SLC7A1: variants seen among roughly 807,000 people sequenced by gnomAD.
SLC7A1 encodes solute carrier family 7 member 1, also known as high affinity cationic amino acid transporter 1.
Under a neutral mutation model 53.9 loss-of-function variants are expected in SLC7A1, and 10 were observed. The observed-to-expected ratio is 0.19, with a 90% confidence interval of 0.11 to 0.31. The LOEUF (loss-of-function observed/expected upper bound fraction) is 0.31, where lower values mean the gene tolerates loss of function less well. Ranked by LOEUF, SLC7A1 falls within the 10% of genes least tolerant of loss-of-function variation. The probability of loss-of-function intolerance (pLI) is 1.00; values close to 1 mark genes in which losing one functional copy is unlikely to be tolerated. For missense variants in SLC7A1, 525 were observed against 827.2 expected, an observed-to-expected ratio of 0.63 and a Z score of 4.48; for synonymous variants, 342 against 338.7, an observed-to-expected ratio of 1.01 and a Z score of -0.11.
At position 29,513,411 on chromosome 13, in the gene SLC7A1, T is replaced by C. The variant is rs1156786557; in HGVS notation, c.*1069A>G. 6.5e-6 allele frequency: 1 copy of C among 152,672 alleles called. No homozygotes were observed. Among genetic ancestry groups the C allele is most frequent in the Non-Finnish European group, 1.5e-5 (1 of 68,058 alleles). The allele number at this position is 152,672 out of a possible 1,614,324, so 9.5% of individuals were successfully genotyped here. The stretch of plus-strand genomic sequence containing the variant: ...GTGTCACAATTTCATGGACTGTGGA[T>C]TGATTTCAATTTCATCATGTCACAG... On this transcript the variant is annotated 3_prime_UTR_variant, in exon 13 of 13. Transcript: ENST00000380752.
At chr13:29,524,707 T>A (rs981728244) in intron 5 of SLC7A1, among the ~76,000 whole-genome samples, 1 of 152,072 alleles carries the variant, frequency 6.6e-6, no homozygotes, top group African/African-American at 2.4e-5. Flanking sequence ...AAACTAAGGC[T>A]AAAATAAAAG....
In SLC7A1 at chr13:29,594,174, C is replaced by G. The variant is rs545330348; in HGVS notation, c.-115+1242G>C. 5.1e-4 allele frequency among the ~76,000 whole-genome samples: 78 copies of G among 152,340 alleles called. 3 individuals are homozygous for G. The South Asian group carries it at 0.015, about 30-fold the overall frequency. On this transcript the variant is annotated intron_variant, in intron 1 of 12. Transcript: ENST00000380752. ...GGGCAAGAAATGTTAGGAAAAATCC[C>G]AGATAAATTATAATTCGAATTAAAT...
At position 29,522,363 on chromosome 13, in the gene SLC7A1, C is replaced by T. The variant is rs766898109; in HGVS notation, c.1143G>A (p.Arg381=). The change falls in exon 8 of 13, where the codon AGG becomes AGA. Residue 381 remains arginine (R), a synonymous_variant. Coordinates refer to ENST00000380752, the MANE Select transcript of SLC7A1 (RefSeq NM_003045.5). The part of the protein sequence containing the change: ...LFKFLANVND[R]TKTPIIATLA... ...ATGTGGCGATTATTGGTGTTTTGGT[C>T]CTATCATTGACGTTGGCTAAGAATT... The T allele has an allele frequency of 2.0e-5, 32 of 1,614,192 alleles. No individual in the cohort carries two copies. The highest frequency in any genetic ancestry group is 2.7e-5 in the Non-Finnish European group (32 of 1,180,032).
intron 2 of SLC7A1, among the ~76,000 whole-genome samples, chr13:29,544,992 T>G (rs535871761): frequency 3.9e-5 from 6 of 151,960 alleles, no homozygotes; most frequent in Admixed American, 2.6e-4. Flanking sequence ...CAAATAGTAT[T>G]GACAGGACCA....
At chr13:29,528,549 T>C (rs1185093775) in intron 5 of SLC7A1, among the ~76,000 whole-genome samples, 1 of 152,144 alleles carries the variant, frequency 6.6e-6, no homozygotes, top group Admixed American at 6.5e-5. Flanking sequence ...GGCAGTGCCC[T>C]ACTATTTCAG....
intron 1 of SLC7A1, among the ~76,000 whole-genome samples, chr13:29,584,928 T>A (rs1449114580): frequency 6.6e-6 from 1 of 152,206 alleles, no homozygotes; most frequent in African/African-American, 2.4e-5. Flanking sequence ...TTCAGACAGG[T>A]TCTTCGTCGC....
chr13:29,547,970 G>A (rs549674113), intron 2 of SLC7A1, among the ~76,000 whole-genome samples: 1 of 152,364 alleles, frequency 6.6e-6, no homozygotes, highest in East Asian at 1.9e-4. Flanking sequence ...ACAGCCACAT[G>A]TTAACTAGTT....
chr13:29,584,119 C>CTT (rs71192612), intron 1 of SLC7A1, among the ~76,000 whole-genome samples: 88 of 147,088 alleles, frequency 6.0e-4, no homozygotes, highest in Middle Eastern at 7.1e-3. Context: ...CTTTTTTTTT[C>CTT]TTTTTTTTTT....
intron 1 of SLC7A1, among the ~76,000 whole-genome samples, chr13:29,569,815 G>A (rs1871122123): frequency 6.6e-6 from 1 of 152,170 alleles, no homozygotes; most frequent in Non-Finnish European, 1.5e-5. Context: ...TGAGAACACT[G>A]AACCTCAAAG....
intron 1 of SLC7A1, among the ~76,000 whole-genome samples, chr13:29,594,494 T>C (rs761814579): frequency 6.6e-6 from 1 of 152,268 alleles, no homozygotes; most frequent in South Asian, 2.1e-4. Flanking sequence ...GGTCAGGAGC[T>C]GAACCAGCAG....
intron 2 of SLC7A1, among the ~76,000 whole-genome samples, chr13:29,536,946 T>C (rs1233956332): frequency 1.3e-5 from 2 of 152,232 alleles, no homozygotes; most frequent in Non-Finnish European, 2.9e-5. Context: ...TATTCATCCA[T>C]CCCACCCTCA....
chr13:29,570,991 T>C (rs966523821), intron 1 of SLC7A1, among the ~76,000 whole-genome samples: 1 of 152,220 alleles, frequency 6.6e-6, no homozygotes, highest in Non-Finnish European at 1.5e-5. Context: ...GTATGCGCTA[T>C]ATGTTAACTA....
chr13:29,514,377 C>T lies in SLC7A1; in HGVS notation c.*103G>A, dbSNP rs1434098934. On this transcript the variant is annotated 3_prime_UTR_variant, in exon 13 of 13. Coordinates refer to ENST00000380752, the MANE Select transcript of SLC7A1 (RefSeq NM_003045.5). Reference sequence around the variant, plus strand: ...CCTTTGGCTGCAGTGAGGGTGTGGACGCAGGTGGTTTCTGTTGCACTGGTG... The same window carrying T: ...CCTTTGGCTGCAGTGAGGGTGTGGATGCAGGTGGTTTCTGTTGCACTGGTG... 2.8e-5 allele frequency: 21 copies of T among 756,724 alleles called. No individual in the cohort carries two copies. Among genetic ancestry groups the T allele is most frequent in the Admixed American group, 1.4e-4 (7 of 48,730 alleles). The allele number at this position is 756,724 out of a possible 1,614,324, so 46.9% of individuals were successfully genotyped here.
At chr13:29,589,792 C>A (rs571387745) in intron 1 of SLC7A1, among the ~76,000 whole-genome samples, 1 of 152,272 alleles carries the variant, frequency 6.6e-6, no homozygotes, top group African/African-American at 2.4e-5. Flanking sequence ...CAGGTACAGG[C>A]AGACATCTGG....
Position 29,511,739 on chromosome 13 carries a change from T to G in SLC7A1, c.*2741A>C, listed in dbSNP as rs969923703. 6.6e-6 allele frequency: 1 copy of G among 152,254 alleles called. No homozygotes were observed. Among genetic ancestry groups the G allele is most frequent in the Non-Finnish European group, 1.5e-5 (1 of 68,066 alleles). The allele number at this position is 152,254 out of a possible 1,614,324, so 9.4% of individuals were successfully genotyped here. On this transcript the variant is annotated 3_prime_UTR_variant, in exon 13 of 13. Coordinates refer to ENST00000380752, the MANE Select transcript of SLC7A1 (RefSeq NM_003045.5). Reference sequence around the variant, plus strand: ...TGGGCCTTCGGAGGTCATGAACACATGCAGGGCAGTCACAGGGGTTGTGGG... The same window carrying G: ...TGGGCCTTCGGAGGTCATGAACACAGGCAGGGCAGTCACAGGGGTTGTGGG...
At position 29,587,345 on chromosome 13, in the gene SLC7A1, C is replaced by T. The variant is rs138856294; in HGVS notation, c.-115+8071G>A. Among the ~76,000 whole-genome samples the T allele has an allele frequency of 2.0e-3, 309 of 152,318 alleles. 1 individual carries two copies. The highest frequency in any genetic ancestry group is 7.1e-3 in the African/African-American group (296 of 41,578). ...CACCTAAGCGGACAAAGCAGGGAAG[C>T]GAGATCCAAACTTCACTACCTGCAC... is the stretch of plus-strand genomic sequence containing the variant. On this transcript the variant is annotated intron_variant, in intron 1 of 12. Coordinates refer to ENST00000380752, the MANE Select transcript of SLC7A1 (RefSeq NM_003045.5).
intron 1 of SLC7A1, among the ~76,000 whole-genome samples, chr13:29,591,643 A>G (rs1872116038): frequency 6.6e-6 from 1 of 152,228 alleles, no homozygotes. Flanking sequence ...GCACTGCAGT[A>G]GGAATATGGA....
At chr13:29,577,933 T>G (rs981529034) in intron 1 of SLC7A1, among the ~76,000 whole-genome samples, 2 of 152,154 alleles carry the variant, frequency 1.3e-5, no homozygotes, top group Non-Finnish European at 2.9e-5. Context: ...CTCCACTCCC[T>G]CTGCTTGGGT....
intron 1 of SLC7A1, among the ~76,000 whole-genome samples, chr13:29,595,153 C>G (rs1350916478): frequency 6.6e-6 from 1 of 152,024 alleles, no homozygotes; most frequent in Non-Finnish European, 1.5e-5. Context: ...CTCGGTGTTG[C>G]ATCATGCACC....
Sources: allele counts gnomAD v4.1 joint callset (sites outside exome capture counted in the v4.1 genomes callset), GRCh38; gene constraint gnomAD v4.1.1; transcripts MANE v1.5; gene names NCBI Gene and HGNC (gene_info 2026-07-23, HGNC 2026-07-21).